The following OLA1 variants were observed in gnomAD, a reference collection of about 807,000 sequenced individuals.
OLA1 encodes obg-like ATPase 1.
In OLA1, 14 loss-of-function variants were observed where a neutral mutation model predicts 48.4. The observed-to-expected ratio is 0.29, with a 90% CI of 0.19 to 0.45. The LOEUF (loss-of-function observed/expected upper bound fraction) is 0.45. OLA1 is among the 20% of genes least tolerant of loss of function. The pLI is 1.00. For synonymous variants in OLA1, 127 were observed against 150.4 expected (o/e 0.84, Z 1.14); for missense variants, 325 against 467.1 (o/e 0.70, Z 2.80).
intron 2 of OLA1, among the ~76,000 whole-genome samples, chr2:174,242,651 G>C (rs1689030929): frequency 6.6e-6 from 1 of 152,154 alleles, no homozygotes. Context: ...AAAAAAAACT[G>C]GTTATCTGGG....
At chr2:174,218,499 G>A (rs1688416109) in intron 4 of OLA1, among the ~76,000 whole-genome samples, 1 of 152,162 alleles carries the variant, frequency 6.6e-6, no homozygotes, top group African/African-American at 2.4e-5. Flanking sequence ...TTTAGTGAAA[G>A]ATAAACTCCC....
chr2:174,196,162 C>T (rs745511613), intron 4 of OLA1, among the ~76,000 whole-genome samples: 12 of 151,964 alleles, frequency 7.9e-5, no homozygotes, highest in Non-Finnish European at 1.8e-4. Flanking sequence ...AAGTTTTAAT[C>T]AGTTATATTT....
intron 4 of OLA1, among the ~76,000 whole-genome samples, chr2:174,170,242 GA>G (rs1014666064): frequency 6.7e-6 from 1 of 150,304 alleles, no homozygotes; most frequent in Non-Finnish European, 1.5e-5. Flanking sequence ...CAAAAAGAAA[GA>G]AAAAAAATAC....
intron 3 of OLA1, among the ~76,000 whole-genome samples, chr2:174,227,448 C>A (rs2105454425): frequency 6.6e-6 from 1 of 152,130 alleles, no homozygotes; most frequent in South Asian, 2.1e-4. Context: ...GGGAGGATAT[C>A]TTTGTATTTA....
chr2:174,099,694 A>G (rs1685347054), intron 7 of OLA1, among the ~76,000 whole-genome samples: 1 of 152,244 alleles, frequency 6.6e-6, no homozygotes, highest in South Asian at 2.1e-4. Context: ...AATTCACTTG[A>G]AAATAAATTG....
intron 4 of OLA1, among the ~76,000 whole-genome samples, chr2:174,209,427 A>T (rs1688192514): frequency 6.6e-6 from 1 of 152,070 alleles, no homozygotes; most frequent in East Asian, 1.9e-4. Context: ...CATAATTTCC[A>T]ATTTTTTTTC....
intron 4 of OLA1, among the ~76,000 whole-genome samples, chr2:174,144,930 T>TAAAAAAAAAAAAAAA (rs71021671): frequency 2.4e-5 from 1 of 41,114 alleles, no homozygotes; most frequent in Non-Finnish European, 3.9e-5. Context: ...AGACCCTGTT[T>TAAAAAAAAAAAAAAA]AAAAAAAAAA....
At chr2:174,190,962 A>C (rs989088372) in intron 4 of OLA1, among the ~76,000 whole-genome samples, 1 of 150,524 alleles carries the variant, frequency 6.6e-6, no homozygotes, top group Admixed American at 6.6e-5. Flanking sequence ...AAAAAAAAAA[A>C]AAAAAAAGGA....
At chr2:174,113,454 C>T (rs1235893866) in intron 7 of OLA1, among the ~76,000 whole-genome samples, 1 of 152,016 alleles carries the variant, frequency 6.6e-6, no homozygotes, top group Non-Finnish European at 1.5e-5. Flanking sequence ...AATTTTTATA[C>T]ATGATATTGC....
intron 7 of OLA1, among the ~76,000 whole-genome samples, chr2:174,118,242 G>C (rs554775344): frequency 6.6e-6 from 1 of 152,078 alleles, no homozygotes; most frequent in Non-Finnish European, 1.5e-5. Context: ...CATGAGATTC[G>C]GGCAGAGACA....
intron 4 of OLA1, among the ~76,000 whole-genome samples, chr2:174,196,292 A>G (rs373178954): frequency 2.6e-5 from 4 of 152,286 alleles, no homozygotes; most frequent in African/African-American, 9.6e-5. Flanking sequence ...AAGAGCATTA[A>G]ATTTCATTTG....
chr2:174,078,909 T>A (rs1684804471), intron 10 of OLA1, 59 bp downstream of exon 10: 10 of 1,515,752 alleles, frequency 6.6e-6, no homozygotes, highest in Non-Finnish European at 8.0e-6. Flanking sequence ...ATTTTTATCA[T>A]GACTAACTTC....
chr2:174,174,248 T>C (rs1687372636), intron 4 of OLA1, among the ~76,000 whole-genome samples: 1 of 151,404 alleles, frequency 6.6e-6, no homozygotes, highest in African/African-American at 2.4e-5. Flanking sequence ...ACAGAAACAA[T>C]AATCCCTCAT....
intron 4 of OLA1, among the ~76,000 whole-genome samples, chr2:174,197,375 A>T (rs1283116043): frequency 6.6e-6 from 1 of 151,948 alleles, no homozygotes; most frequent in African/African-American, 2.4e-5. Flanking sequence ...CCACCTAAGG[A>T]TTTAACCTTT....
intron 5 of OLA1, among the ~76,000 whole-genome samples, chr2:174,133,838 T>C (rs947229941): frequency 3.3e-5 from 5 of 152,352 alleles, no homozygotes; most frequent in East Asian, 3.9e-4. Context: ...AAGCATTTCA[T>C]GCACTCACAA....
At chr2:174,129,390 G>A (rs7602580) in intron 5 of OLA1, among the ~76,000 whole-genome samples, 15,564 of 151,654 alleles carry the variant, frequency 0.1, 1,134 homozygotes, top group African/African-American at 0.2. Flanking sequence ...CCCGGGAGGC[G>A]GAGCTTGCAG....
intron 4 of OLA1, among the ~76,000 whole-genome samples, chr2:174,175,772 T>C (rs1033586404): frequency 2.6e-5 from 4 of 152,058 alleles, no homozygotes; most frequent in Admixed American, 2.6e-4. Flanking sequence ...ACACAAATAA[T>C]TCGTAACAAT....
chr2:174,083,014 C>G (rs1372500166), intron 7 of OLA1, among the ~76,000 whole-genome samples: 1 of 151,912 alleles, frequency 6.6e-6, no homozygotes, highest in Non-Finnish European at 1.5e-5. Context: ...CCTAGAAAAG[C>G]CTGCAAATAG....
chr2:174,134,624 A>C (rs1686258608), intron 5 of OLA1, among the ~76,000 whole-genome samples: 1 of 152,218 alleles, frequency 6.6e-6, no homozygotes, highest in African/African-American at 2.4e-5. Flanking sequence ...AAACATTTTA[A>C]ACTTACAGAT....
Sources: allele counts gnomAD v4.1 joint callset (sites outside exome capture counted in the v4.1 genomes callset), GRCh38; gene constraint gnomAD v4.1.1; transcripts MANE v1.5; gene names NCBI Gene and HGNC (gene_info 2026-07-23, HGNC 2026-07-21).